NCALD: variants seen among roughly 807,000 people sequenced by gnomAD.
The protein encoded by NCALD is neurocalcin delta.
NCALD carries 10 observed loss-of-function variants against 18.6 expected under a neutral mutation model. The ratio of observed to expected loss-of-function variants is 0.54; its 90% confidence interval spans 0.33 to 0.91. The LOEUF is 0.91. Among genes scored for constraint, NCALD ranks in the 40% least tolerant of loss-of-function variants. The pLI, the probability that NCALD is intolerant of heterozygous loss-of-function variation, is 0.03. For synonymous variants in NCALD, 88 were observed against 87.4 expected (o/e 1.01, Z -0.04); for missense variants, 184 against 247.6 (o/e 0.74, Z 1.72).
At chr8:101,690,767 C>T in intron 3 of NCALD, 1 of 985,390 alleles carries the variant, frequency 1.0e-6, no homozygotes, top group Non-Finnish European at 1.2e-6. Flanking sequence ...TTTTATGAGC[C>T]CAGCCCTGCC....
intron 1 of NCALD, among the ~76,000 whole-genome samples, chr8:101,777,200 T>G (rs1194243432): frequency 6.6e-6 from 1 of 152,206 alleles, no homozygotes; most frequent in East Asian, 1.9e-4. Context: ...CTCATTTCTT[T>G]GTTCATTCAT....
Position 101,999,867 on chromosome 8 carries a change from T to G in NCALD, c.-157+20370A>C, listed in dbSNP as rs1034060436. Among the ~76,000 whole-genome samples the G allele has an allele frequency of 7.9e-5, 12 of 151,846 alleles. 1 individual carries two copies. The highest frequency in any genetic ancestry group is 7.2e-4 in the Admixed American group (11 of 15,240). ...TTGATTCACTATACTGCAGAAAGGG[T>G]AATCATCTCTCCTTTCAAAAACTGG... On this transcript the variant is annotated intron_variant, in intron 2 of 6. Coordinates refer to the NCALD transcript ENST00000311028.
chr8:101,740,714 CA>C (rs539387937), intron 1 of NCALD, among the ~76,000 whole-genome samples: 310 of 152,210 alleles, frequency 2.0e-3, no homozygotes, highest in African/African-American at 7.0e-3. Flanking sequence ...AACAGACAGA[CA>C]AAAAAACCAA....
chr8:101,872,286 C>G (rs1361983498), intron 4 of NCALD: 1 of 1,378,520 alleles, frequency 7.3e-7, no homozygotes, highest in Non-Finnish European at 1.0e-6. Flanking sequence ...CAAATTTATT[C>G]TTCAGTTTAA....
intron 2 of NCALD, among the ~76,000 whole-genome samples, chr8:101,931,731 T>C (rs916230446): frequency 6.6e-6 from 1 of 152,162 alleles, no homozygotes; most frequent in East Asian, 1.9e-4. Context: ...ACTACTCTCA[T>C]GTATGGGTGT....
intron 2 of NCALD, among the ~76,000 whole-genome samples, chr8:102,011,450 T>C (rs1821900478): frequency 6.6e-6 from 1 of 152,230 alleles, no homozygotes; most frequent in African/African-American, 2.4e-5. Flanking sequence ...CCAGCTAGGC[T>C]GTAAGTTTCT....
chr8:101,768,262 C>T (rs1205204813), intron 1 of NCALD, among the ~76,000 whole-genome samples: 1 of 152,218 alleles, frequency 6.6e-6, no homozygotes, highest in African/African-American at 2.4e-5. Context: ...TTCCCTCAGA[C>T]AGAGCAGAGT....
chr8:101,918,367 G>A (rs371438438), intron 2 of NCALD, among the ~76,000 whole-genome samples: 24 of 151,898 alleles, frequency 1.6e-4, no homozygotes, highest in African/African-American at 1.9e-4. Flanking sequence ...AACCCACAGC[G>A]AATATCATAC....
intron 2 of NCALD, among the ~76,000 whole-genome samples, chr8:101,990,799 AG>A (rs1484136110): frequency 1.3e-5 from 2 of 152,160 alleles, no homozygotes; most frequent in African/African-American, 2.4e-5. Flanking sequence ...ACATTCTCTC[AG>A]GCTCCCACAG....
chr8:101,759,931 G>A (rs748644105), intron 1 of NCALD, among the ~76,000 whole-genome samples: 4 of 152,154 alleles, frequency 2.6e-5, no homozygotes, highest in Non-Finnish European at 4.4e-5. Flanking sequence ...CTCTCCCTTA[G>A]TAGTTCAATT....
intron 4 of NCALD, among the ~76,000 whole-genome samples, chr8:101,882,800 A>G (rs1284635113): frequency 6.6e-6 from 1 of 152,220 alleles, no homozygotes; most frequent in Non-Finnish European, 1.5e-5. Context: ...GTAGCTATGC[A>G]AACATTGCAT....
At chr8:101,773,312 G>A (rs925600789) in intron 1 of NCALD, among the ~76,000 whole-genome samples, 1 of 152,100 alleles carries the variant, frequency 6.6e-6, no homozygotes, top group Admixed American at 6.6e-5. Flanking sequence ...GCACAATACC[G>A]TGGGTTTGTT....
intron 1 of NCALD, among the ~76,000 whole-genome samples, chr8:101,781,626 A>G (rs1812015746): frequency 6.6e-6 from 1 of 152,200 alleles, no homozygotes; most frequent in Non-Finnish European, 1.5e-5. Flanking sequence ...GTGATCAAAT[A>G]GTTAAAAAAC....
At chr8:101,856,754 C>T (rs1259485585) in intron 4 of NCALD, among the ~76,000 whole-genome samples, 1 of 152,128 alleles carries the variant, frequency 6.6e-6, no homozygotes, top group Non-Finnish European at 1.5e-5. Flanking sequence ...TTGCTGCTCT[C>T]CACAAAGCCA....
intron 1 of NCALD, among the ~76,000 whole-genome samples, chr8:101,722,854 T>C (rs1051718727): frequency 3.3e-5 from 5 of 152,220 alleles, no homozygotes; most frequent in African/African-American, 1.2e-4. Flanking sequence ...GAATAAGTTA[T>C]TGGGAAAACG....
rs1332544541 is a variant in NCALD at position 101,968,986 on chromosome 8, T to C, written c.-157+51251A>G. Among the ~76,000 whole-genome samples the C allele has an allele frequency of 3.3e-5, 5 of 152,306 alleles. No homozygotes were observed. The East Asian group carries it at 9.6e-4, about 29-fold the overall frequency. On this transcript the variant is annotated intron_variant, in intron 2 of 6. Transcript: ENST00000311028. ...GAGACAGTCCTGAATGAATTGTGAT[T>C]GGATTCTACTGTATTCACAGGAGGA...
chr8:101,874,594 G>T (rs1816152679), intron 4 of NCALD, among the ~76,000 whole-genome samples: 1 of 152,086 alleles, frequency 6.6e-6, no homozygotes, highest in Non-Finnish European at 1.5e-5. Context: ...CTGGAGTGTA[G>T]TGGCACAATC....
chr8:101,864,189 C>A (rs368977017), intron 4 of NCALD, among the ~76,000 whole-genome samples: 2 of 152,190 alleles, frequency 1.3e-5, no homozygotes, highest in African/African-American at 4.8e-5. Context: ...TATACGGTGG[C>A]TCAAAGAACA....
At position 101,834,856 on chromosome 8, in the gene NCALD, C is replaced by T. The variant is rs1334626870; in HGVS notation, c.-20+52285G>A. On this transcript the variant is annotated intron_variant, in intron 4 of 6. Transcript: ENST00000311028. ...CAAGTGTGGCTGGTTTTATCACTTC[C>T]ATCTGTTCCTGCTTAGAGAAAGTTA... is the stretch of plus-strand genomic sequence containing the variant. Among the ~76,000 whole-genome samples, 4 of 152,180 alleles carry T rather than the reference C, an allele frequency of 2.6e-5. No homozygotes were observed. The East Asian group carries it at 5.8e-4, about 22-fold the overall frequency.
Sources: allele counts gnomAD v4.1 joint callset (sites outside exome capture counted in the v4.1 genomes callset), GRCh38; gene constraint gnomAD v4.1.1; transcripts MANE v1.5; gene names NCBI Gene and HGNC (gene_info 2026-07-23, HGNC 2026-07-21).